The following RPIA variants were observed in gnomAD, a reference collection of about 807,000 sequenced individuals.
The protein encoded by RPIA is ribose 5-phosphate isomerase A.
RPIA carries 29 observed loss-of-function variants against 37.8 expected under a neutral mutation model. The ratio of observed to expected loss-of-function variants is 0.77; its 90% CI spans 0.57 to 1.05. RPIA has a LOEUF of 1.05. RPIA is among the 50% of genes least tolerant of loss of function. The pLI is 0.00. For synonymous variants in RPIA, 167 were observed against 157.0 expected, an observed-to-expected ratio of 1.06 and a Z score of -0.48; for missense variants, 385 against 413.6, an observed-to-expected ratio of 0.93 and a Z score of 0.60.
intron 3 of RPIA, among the ~76,000 whole-genome samples, chr2:88,718,723 A>G (rs1484628491): frequency 6.6e-6 from 1 of 152,218 alleles, no homozygotes; most frequent in Non-Finnish European, 1.5e-5. Context: ...ATGAAAACAG[A>G]TTCTTATTGC....
intron 3 of RPIA, among the ~76,000 whole-genome samples, chr2:88,704,229 C>T (rs546183704): frequency 2.7e-4 from 41 of 152,326 alleles, no homozygotes; most frequent in African/African-American, 9.1e-4. Flanking sequence ...TTCTCAGCAG[C>T]GCCTCACTCT....
chr2:88,713,814 G>C (rs1672998016), intron 3 of RPIA, among the ~76,000 whole-genome samples: 1 of 151,168 alleles, frequency 6.6e-6, no homozygotes, highest in Non-Finnish European at 1.5e-5. Flanking sequence ...CTTTTATTGA[G>C]CTTTCTTTGT....
intron 3 of RPIA, among the ~76,000 whole-genome samples, chr2:88,704,559 ACAC>A (rs1289193546): frequency 3.9e-5 from 6 of 152,214 alleles, no homozygotes; most frequent in African/African-American, 1.4e-4. Flanking sequence ...TTCTCCCACA[ACAC>A]ATGGGAATTA....
At chr2:88,695,078 G>A (rs1355258882) in intron 1 of RPIA, among the ~76,000 whole-genome samples, 7 of 152,132 alleles carry the variant, frequency 4.6e-5, no homozygotes, top group Admixed American at 3.9e-4. Flanking sequence ...GGAGGATGGT[G>A]TGCCTAGAGA....
At position 88,729,402 on chromosome 2, in the gene RPIA, G is replaced by T. The variant is rs548333806; in HGVS notation, c.462+65G>T. On this transcript the variant is annotated intron_variant, in intron 4 of 8. Coordinates refer to ENST00000283646, the MANE Select transcript of RPIA (RefSeq NM_144563.3). ...TTCCGCTTTTTTATGGCTGTCACTT[G>T]TTCATGGGCTCCAGATATCTTGTAA... is the stretch of plus-strand genomic sequence containing the variant. 171 of 1,419,092 alleles carry T rather than the reference G, an allele frequency of 1.2e-4. No homozygotes were observed. In the East Asian group the frequency reaches 3.9e-3, roughly 32 times the overall value. 87.9% of individuals were successfully genotyped at this position (1,419,092 alleles called of 1,614,324 possible).
intron 3 of RPIA, among the ~76,000 whole-genome samples, chr2:88,724,529 G>A (rs1673173945): frequency 6.6e-6 from 1 of 152,028 alleles, no homozygotes; most frequent in South Asian, 2.1e-4. Context: ...GGCTGGTCTC[G>A]AACTCCCGAC....
intron 3 of RPIA, among the ~76,000 whole-genome samples, chr2:88,712,685 T>C (rs1030381396): frequency 2.6e-5 from 4 of 152,212 alleles, no homozygotes; most frequent in African/African-American, 9.6e-5. Context: ...TGGTGAAATC[T>C]GTTTTTTCCA....
intron 3 of RPIA, among the ~76,000 whole-genome samples, chr2:88,718,711 G>A (rs1179092986): frequency 2.6e-5 from 4 of 152,250 alleles, no homozygotes; most frequent in South Asian, 2.1e-4. Flanking sequence ...GCCCCATTAC[G>A]AATGAAAACA....
chr2:88,750,631 G>A lies in RPIA; in HGVS notation c.*553G>A, dbSNP rs1382898074. The A allele has an allele frequency of 1.5e-5, 6 of 402,956 alleles. No homozygotes were observed. The highest frequency in any genetic ancestry group is 2.4e-4 in the South Asian group (2 of 8,448). The allele number at this position is 402,956 out of a possible 1,614,324, so 25.0% of individuals were successfully genotyped here. On this transcript the variant is annotated 3_prime_UTR_variant, in exon 9 of 9. Transcript: ENST00000283646. ...GGTTTATAAAACTGTGGAGTGGAGC[G>A]GTATGGTATGGAATGACTTGGAATG...
At chr2:88,717,432 C>T (rs998344727) in intron 3 of RPIA, among the ~76,000 whole-genome samples, 7 of 151,904 alleles carry the variant, frequency 4.6e-5, no homozygotes, top group African/African-American at 1.5e-4. Context: ...CGGGACAACT[C>T]GAAGCAAAGG....
At position 88,691,951 on chromosome 2, in the gene RPIA, G is replaced by A. The variant is rs1399404493; in HGVS notation, c.253G>A (p.Ala85Thr). 6.3e-6 allele frequency: 10 copies of A among 1,594,160 alleles called. No individual in the cohort carries two copies. Among genetic ancestry groups the A allele is most frequent in the Non-Finnish European group, 7.7e-6 (9 of 1,171,376 alleles). The change falls in exon 1 of 9, where the codon GCG (alanine) becomes ACG (threonine). Residue 85 changes from alanine to threonine, a missense_variant. Coordinates refer to ENST00000283646, the MANE Select transcript of RPIA (RefSeq NM_144563.3). The stretch of plus-strand genomic sequence containing the variant: ...CAAGGCCGAGGAGGCCAAGAAGCTG[G>A]CGGGCCGCGCGGCTGTGGAGAACCA... ...MSKAEEAKKL[A>T]GRAAVENHVR... is the part of the protein sequence containing the mutation.
intron 3 of RPIA, among the ~76,000 whole-genome samples, chr2:88,700,381 T>A (rs1343096788): frequency 6.6e-6 from 1 of 152,202 alleles, no homozygotes; most frequent in African/African-American, 2.4e-5. Context: ...CCAGGTGTGG[T>A]GGCTCATGCC....
chr2:88,729,157 A>G (rs1046804901), intron 3 of RPIA, 121 bp from the exon 4 acceptor site: 3 of 997,054 alleles, frequency 3.0e-6, no homozygotes, highest in South Asian at 1.4e-5. Context: ...ATGGTGGGCC[A>G]TGCTGGGCTT....
chr2:88,704,382 C>G (rs1672873784), intron 3 of RPIA, among the ~76,000 whole-genome samples: 1 of 152,130 alleles, frequency 6.6e-6, no homozygotes, highest in Admixed American at 6.5e-5. Flanking sequence ...TGGCGGAAGG[C>G]AGGGAGGAGC....
intron 8 of RPIA, among the ~76,000 whole-genome samples, 183 bp from the exon 9 acceptor site, chr2:88,749,798 G>T (rs759252714): frequency 6.6e-6 from 1 of 151,944 alleles, no homozygotes; most frequent in Admixed American, 6.5e-5. Context: ...GGAGAAAGAG[G>T]TGGCAAGAAG....
chr2:88,712,322 A>G (rs1352026636), intron 3 of RPIA, among the ~76,000 whole-genome samples: 1 of 152,226 alleles, frequency 6.6e-6, no homozygotes, highest in Non-Finnish European at 1.5e-5. Flanking sequence ...ATGTTTGGCA[A>G]ATTCCAGCCT....
intron 3 of RPIA, among the ~76,000 whole-genome samples, chr2:88,714,234 G>T (rs544108898): frequency 1.3e-5 from 2 of 151,748 alleles, no homozygotes; most frequent in Admixed American, 1.3e-4. Context: ...GCAGTGGCGC[G>T]ATCTGGGCTC....
chr2:88,695,895 T>C (rs749223946), intron 1 of RPIA, among the ~76,000 whole-genome samples: 8 of 152,202 alleles, frequency 5.3e-5, no homozygotes, highest in South Asian at 2.1e-4. Flanking sequence ...ATTTTTAGTA[T>C]ATATGTATAT....
At chr2:88,736,823 G>A (rs760302334) in intron 7 of RPIA, 147 bp downstream of exon 7, 32 of 1,051,484 alleles carry the variant, frequency 3.0e-5, no homozygotes, top group South Asian at 5.1e-5. Flanking sequence ...GTTTATTTTC[G>A]GAGAATTGGC....
Sources: allele counts gnomAD v4.1 joint callset (sites outside exome capture counted in the v4.1 genomes callset), GRCh38; gene constraint gnomAD v4.1.1; transcripts MANE v1.5; gene names NCBI Gene and HGNC (gene_info 2026-07-23, HGNC 2026-07-21).